NPAS3: variants seen among roughly 807,000 people sequenced by gnomAD.
The protein encoded by NPAS3 is neuronal PAS domain-containing protein 3.
NPAS3 carries 14 observed loss-of-function variants against 73.1 expected under a neutral mutation model. The ratio of observed to expected loss-of-function variants is 0.19; its 90% CI spans 0.13 to 0.30. The LOEUF is 0.30. Among genes scored for constraint, NPAS3 ranks in the 10% least tolerant of loss-of-function variants. The pLI is 1.00. For missense variants in NPAS3, 1,096 were observed against 1,250.0 expected (o/e 0.88, Z 1.86); for synonymous variants, 620 against 541.5 (o/e 1.14, Z -2.01).
intron 2 of NPAS3, among the ~76,000 whole-genome samples, chr14:33,197,465 C>T (rs1439446452): frequency 6.6e-6 from 1 of 151,956 alleles, no homozygotes; most frequent in East Asian, 1.9e-4. Flanking sequence ...TTCACCTAAG[C>T]TGTAAGCTTC....
At chr14:33,246,837 T>TAAA (rs1566720123) in intron 3 of NPAS3, among the ~76,000 whole-genome samples, 1 of 7,498 alleles carries the variant, frequency 1.3e-4, no homozygotes, top group East Asian at 2.1e-3. Flanking sequence ...CTATTAAAAA[T>TAAA]ACAAAAAAAA....
At position 33,059,069 on chromosome 14, in the gene NPAS3, T is replaced by C. The variant is rs548901336; in HGVS notation, c.140+3075T>C. Among the ~76,000 whole-genome samples the C allele has an allele frequency of 4.4e-4, 67 of 152,340 alleles. No individual in the cohort carries two copies. The South Asian group carries it at 8.9e-3, about 20-fold the overall frequency. On this transcript the variant is annotated intron_variant, in intron 2 of 11. Transcript: ENST00000356141. ...TTTGTTAGTTCTGGCCTCACGTTAGTAACTTGAAGTTGCAGAAAGTACTTG... is the reference window on the plus strand; with the variant it reads ...TTTGTTAGTTCTGGCCTCACGTTAGCAACTTGAAGTTGCAGAAAGTACTTG...
intron 5 of NPAS3, among the ~76,000 whole-genome samples, chr14:33,657,788 GTA>G (rs200133728): frequency 4.7e-4 from 52 of 110,342 alleles, no homozygotes; most frequent in African/African-American, 1.8e-3. Context: ...TGCAGATTAT[GTA>G]AAAAAAAAAA....
intron 2 of NPAS3, among the ~76,000 whole-genome samples, chr14:33,146,143 T>C (rs921307381): frequency 6.6e-6 from 1 of 152,174 alleles, no homozygotes; most frequent in Non-Finnish European, 1.5e-5. Flanking sequence ...GAAATTTCAC[T>C]TTTTACCTGT....
intron 6 of NPAS3, among the ~76,000 whole-genome samples, chr14:33,697,387 T>C (rs1357004822): frequency 6.6e-6 from 1 of 152,150 alleles, no homozygotes; most frequent in Non-Finnish European, 1.5e-5. Flanking sequence ...ATTAGGATGA[T>C]CACAAGTTAA....
intron 2 of NPAS3, among the ~76,000 whole-genome samples, chr14:33,095,587 G>A (rs890060944): frequency 1.1e-4 from 16 of 151,186 alleles, no homozygotes. Context: ...ACAACAGAAA[G>A]TCTGGATGTT....
chr14:33,237,954 G>A (rs372494000), intron 3 of NPAS3, among the ~76,000 whole-genome samples: 2 of 151,702 alleles, frequency 1.3e-5, no homozygotes, highest in African/African-American at 4.8e-5. Flanking sequence ...CAAGCAAAAT[G>A]TATACATTTC....
At chr14:33,749,762 T>C (rs1028992540) in intron 7 of NPAS3, among the ~76,000 whole-genome samples, 1 of 152,066 alleles carries the variant, frequency 6.6e-6, no homozygotes, top group East Asian at 1.9e-4. Flanking sequence ...TAGACACAGA[T>C]TGATGCAGAG....
At chr14:33,211,935 A>C (rs1234404765) in intron 2 of NPAS3, among the ~76,000 whole-genome samples, 1 of 151,972 alleles carries the variant, frequency 6.6e-6, no homozygotes, top group African/African-American at 2.4e-5. Flanking sequence ...GTTTAATCGT[A>C]TTTTAGATGG....
chr14:33,683,089 G>C (rs1050991553), intron 6 of NPAS3, among the ~76,000 whole-genome samples: 2 of 151,894 alleles, frequency 1.3e-5, no homozygotes, highest in Admixed American at 6.6e-5. Context: ...AATCACAGTG[G>C]TTACAACTCA....
chr14:32,976,469 T>C (rs1326838583), intron 1 of NPAS3, among the ~76,000 whole-genome samples: 4 of 152,226 alleles, frequency 2.6e-5, no homozygotes, highest in Non-Finnish European at 5.9e-5. Context: ...TACAGTTTTA[T>C]ATATTCGTAC....
chr14:33,786,077 C>T (rs991842588), intron 9 of NPAS3, among the ~76,000 whole-genome samples: 1 of 152,136 alleles, frequency 6.6e-6, no homozygotes, highest in African/African-American at 2.4e-5. Context: ...CACTGGCAAG[C>T]GGGTAGAATT....
intron 2 of NPAS3, among the ~76,000 whole-genome samples, chr14:33,107,834 C>T (rs1266667477): frequency 6.6e-6 from 1 of 152,080 alleles, no homozygotes; most frequent in Non-Finnish European, 1.5e-5. Context: ...TGTTGTTTGC[C>T]AGGAACATGG....
At position 33,325,747 on chromosome 14, in the gene NPAS3, G is replaced by A. The variant is rs1242439283; in HGVS notation, c.386-41439G>A. On this transcript the variant is annotated intron_variant, in intron 3 of 11. Transcript: ENST00000356141. ...ATTCTATCTGGGTTTTTTTTTTTTT[G>A]GTACCCATTAACCATCCCTATTTCT... Among the ~76,000 whole-genome samples, 15 of 94,178 alleles carry A rather than the reference G, an allele frequency of 1.6e-4. 1 individual carries two copies. In the South Asian group the frequency reaches 4.8e-3, roughly 30 times the overall value. 61.8% of individuals were successfully genotyped at this position (94,178 alleles called of 152,430 possible). A position where few individuals can be genotyped will look rare whatever the true frequency, so the allele number is the denominator to read the frequency against.
At chr14:33,142,730 T>C (rs980139351) in intron 2 of NPAS3, among the ~76,000 whole-genome samples, 3 of 152,230 alleles carry the variant, frequency 2.0e-5, no homozygotes, top group Admixed American at 6.5e-5. Context: ...TATCTTTCCA[T>C]TGAGGAATAT....
chr14:33,328,767 A>G (rs1202027055), intron 3 of NPAS3, among the ~76,000 whole-genome samples: 13 of 152,012 alleles, frequency 8.6e-5, no homozygotes, highest in Admixed American at 7.2e-4. Flanking sequence ...GGTTTTCCCA[A>G]TTGTGACTTT....
intron 3 of NPAS3, among the ~76,000 whole-genome samples, chr14:33,260,328 C>A (rs938390123): frequency 6.6e-6 from 1 of 151,374 alleles, no homozygotes; most frequent in African/African-American, 2.4e-5. Flanking sequence ...CCCTGGTCAA[C>A]TTTTTCTTCT....
chr14:33,662,055 T>C (rs892712202), intron 5 of NPAS3, among the ~76,000 whole-genome samples: 1 of 152,240 alleles, frequency 6.6e-6, no homozygotes, highest in African/African-American at 2.4e-5. Context: ...ATAGGTGATT[T>C]TTCTGGCTAA....
upstream of NPAS3, chr14:32,935,024 TG>T: frequency 7.8e-7 from 1 of 1,281,586 alleles, no homozygotes; most frequent in South Asian, 2.4e-5. Flanking sequence ...CCGCCTGGGC[TG>T]GGATAGTGCC....
Sources: allele counts gnomAD v4.1 joint callset (sites outside exome capture counted in the v4.1 genomes callset), GRCh38; gene constraint gnomAD v4.1.1; transcripts MANE v1.5; gene names NCBI Gene and HGNC (gene_info 2026-07-23, HGNC 2026-07-21).